Variants in SLC12A7 observed in about 807,000 individuals in gnomAD.
The protein encoded by SLC12A7 is solute carrier family 12 member 7.
A neutral mutation model predicts 120.6 loss-of-function variants in SLC12A7; 100 were observed. The observed-to-expected ratio is 0.83, with a 90% CI of 0.71 to 0.98. SLC12A7 has a LOEUF of 0.98. SLC12A7 is among the 50% of genes least tolerant of loss of function. The pLI is 0.00. For synonymous variants in SLC12A7, 760 were observed against 678.0 expected (o/e 1.12, Z -1.88); for missense variants, 1,373 against 1,548.1 (o/e 0.89, Z 1.90).
At chr5:1,068,757 G>A (rs998591380) in intron 17 of SLC12A7, among the ~76,000 whole-genome samples, 15 of 152,388 alleles carry the variant, frequency 9.8e-5, no homozygotes, top group Admixed American at 6.5e-4. Context: ...TGTGAGCTCC[G>A]TTAACGTGAG....
chr5:1,153,455 T>C, the SLC12A7 span, among the ~76,000 whole-genome samples: 11 of 152,286 alleles, frequency 7.2e-5, no homozygotes, highest in South Asian at 2.1e-4. Flanking sequence ...GGGGGGTCCA[T>C]GGGCCAGTGT....
At chr5:1,124,491 A>G in the SLC12A7 span, among the ~76,000 whole-genome samples, 66 of 152,342 alleles carry the variant, frequency 4.3e-4, no homozygotes, top group African/African-American at 1.5e-3. Flanking sequence ...AGGCAAAATC[A>G]AGACATTTCC....
At chr5:1,069,669 T>G (rs1413072060) in intron 17 of SLC12A7, among the ~76,000 whole-genome samples, 4 of 152,182 alleles carry the variant, frequency 2.6e-5, no homozygotes, top group Non-Finnish European at 4.4e-5. Context: ...ATCACGCAGG[T>G]GGGCACTCAA....
intron 22 of SLC12A7, among the ~76,000 whole-genome samples, chr5:1,053,771 A>G (rs1735307118): frequency 6.6e-6 from 1 of 152,220 alleles, no homozygotes; most frequent in Non-Finnish European, 1.5e-5. Flanking sequence ...CACACAACAC[A>G]AACCGCAAGC....
At chr5:1,115,041 A>G (rs1204147507), upstream of SLC12A7, among the ~76,000 whole-genome samples, 1 of 152,210 alleles carries the variant, frequency 6.6e-6, no homozygotes, top group Non-Finnish European at 1.5e-5. Flanking sequence ...ATATTTGTAC[A>G]TCGCTGATGA....
At chr5:1,101,561 C>T (rs546920855) in intron 1 of SLC12A7, among the ~76,000 whole-genome samples, 42 of 152,272 alleles carry the variant, frequency 2.8e-4, no homozygotes, top group African/African-American at 9.1e-4. Flanking sequence ...GCCATGAAGG[C>T]GGCGAGGTCA....
rs34012224 is a variant in SLC12A7 at position 1,083,896 on chromosome 5, G to A, written c.978C>T (p.Ala326=). Residue 326 remains alanine, a synonymous_variant, in exon 8 of 24, where the codon GCC becomes GCT. Transcript: ENST00000264930. ...SRRSFDACVK[A]YGIHNNSATS... Reference sequence around the variant, plus strand: ...TGGCTGAGTTGTTGTGGATGCCGTAGGCCTTGACGCAGGCATCGAAGCTGC... The same window carrying A: ...TGGCTGAGTTGTTGTGGATGCCGTAAGCCTTGACGCAGGCATCGAAGCTGC... 2 of 1,608,578 alleles carry A rather than the reference G, an allele frequency of 1.2e-6. No individual in the cohort carries two copies. Among genetic ancestry groups the A allele is most frequent in the Non-Finnish European group, 1.7e-6 (2 of 1,179,168 alleles).
the SLC12A7 span, among the ~76,000 whole-genome samples, chr5:1,125,923 CAA>C: frequency 0.16 from 16,159 of 100,356 alleles, 923 homozygotes; most frequent in Middle Eastern, 0.26. Context: ...GGCCCTGCCT[CAA>C]AAAAAAAAAA....
In SLC12A7 at chr5:1,081,672, G is replaced by A; in HGVS notation, c.1202C>T (p.Ala401Val). The A allele has an allele frequency of 6.2e-7, 1 of 1,613,142 alleles. No individual in the cohort carries two copies. The highest frequency in any genetic ancestry group is 1.1e-5 in the South Asian group (1 of 91,086). Residue 401 changes from alanine (A) to valine (V), a missense_variant, in exon 9 of 24, where the codon GCA becomes GTA. Ala to Val is a moderately conservative substitution (Grantham distance 64). Coordinates refer to ENST00000264930, the MANE Select transcript of SLC12A7 (RefSeq NM_006598.3). ...EKKGVPSVPV[A>V]EESRASALPY... ...CAGTGCGCTGGCACGGCTCTCCTCT[G>A]CCACGGGCACCGAGGGCACACCTTT...
Position 1,079,589 on chromosome 5 carries a change from G to A in SLC12A7, c.1298-93C>T, listed in dbSNP as rs572704099. Reference sequence around the variant, plus strand: ...CCAGAAAGCTGGAAAGGCGGTCTCTGGGGAGACCCCGAGCGTGAGCTGCAG... The same window carrying A: ...CCAGAAAGCTGGAAAGGCGGTCTCTAGGGAGACCCCGAGCGTGAGCTGCAG... On this transcript the variant is annotated intron_variant, in intron 9 of 23. Transcript: ENST00000264930. 29 of 1,031,262 alleles carry A rather than the reference G, an allele frequency of 2.8e-5. No homozygotes were observed. In the South Asian group the frequency reaches 3.8e-4, roughly 14 times the overall value. The allele number at this position is 1,031,262 out of a possible 1,614,324, so 63.9% of individuals were successfully genotyped here. A position where few individuals can be genotyped will look rare whatever the true frequency, so the allele number is the denominator to read the frequency against.
At chr5:1,056,441 G>T in intron 22 of SLC12A7, 1 of 231,062 alleles carries the variant, frequency 4.3e-6, no homozygotes, top group Non-Finnish European at 7.1e-6. Flanking sequence ...AGCTCTGGCT[G>T]TACGCGGACG....
At chr5:1,090,093 G>T (rs571807328) in intron 3 of SLC12A7, among the ~76,000 whole-genome samples, 22 of 152,346 alleles carry the variant, frequency 1.4e-4, no homozygotes, top group African/African-American at 4.8e-4. Flanking sequence ...GCGGGGCTTC[G>T]ATCCTGGGGT....
Position 1,100,525 on chromosome 5 carries a change from G to A in SLC12A7, c.125-6277C>T, listed in dbSNP as rs554128726. ...CCGACAGTGGGAACCAAAACCAAAC[G>A]AGGCTCCAGAAGCCTGGCTGGGGCG... On this transcript the variant is annotated intron_variant, in intron 1 of 23. Coordinates refer to ENST00000264930, the MANE Select transcript of SLC12A7 (RefSeq NM_006598.3). Among the ~76,000 whole-genome samples, 23 of 152,344 alleles carry A rather than the reference G, an allele frequency of 1.5e-4. 1 individual carries two copies. The highest frequency in any genetic ancestry group is 1.0e-3 in the South Asian group (5 of 4,828).
At chr5:1,104,694 CGT>C (rs1308202815) in intron 1 of SLC12A7, among the ~76,000 whole-genome samples, 1 of 152,184 alleles carries the variant, frequency 6.6e-6, no homozygotes, top group Admixed American at 6.5e-5. Context: ...GTGTGGGGTG[CGT>C]GTGGGGTGCT....
intron 22 of SLC12A7, among the ~76,000 whole-genome samples, chr5:1,053,896 C>T (rs1043888347): frequency 6.6e-5 from 10 of 152,234 alleles, no homozygotes; most frequent in African/African-American, 1.4e-4. Context: ...TCTACATCAT[C>T]GCCCCTAAAC....
At chr5:1,116,250 C>T (rs1331887010), upstream of SLC12A7, among the ~76,000 whole-genome samples, 1 of 152,200 alleles carries the variant, frequency 6.6e-6, no homozygotes, top group Non-Finnish European at 1.5e-5. Context: ...AGGCTCTTCC[C>T]AGGCAGGCAC....
intron 21 of SLC12A7, among the ~76,000 whole-genome samples, chr5:1,058,520 G>A (rs1026549622): frequency 6.6e-6 from 1 of 152,250 alleles, no homozygotes; most frequent in African/African-American, 2.4e-5. Context: ...TCGTCCCAGG[G>A]GCATCAGGAG....
intron 17 of SLC12A7, among the ~76,000 whole-genome samples, chr5:1,066,683 GA>G (rs562999395): frequency 1.2e-3 from 185 of 152,340 alleles, no homozygotes; most frequent in Middle Eastern, 3.4e-3. Context: ...TGAAGCCACT[GA>G]CAAGTGACCT....
chr5:1,073,805 C>T lies in SLC12A7; in HGVS notation c.2073-4G>A. 1 of 1,409,164 alleles carries T rather than the reference C, an allele frequency of 7.1e-7. No homozygotes were observed. Among genetic ancestry groups the T allele is most frequent in the Non-Finnish European group, 9.3e-7 (1 of 1,073,618 alleles). The allele number at this position is 1,409,164 out of a possible 1,614,324, so 87.3% of individuals were successfully genotyped here. A position where few individuals can be genotyped will look rare whatever the true frequency, so the allele number is the denominator to read the frequency against. ...CAGCATCACCAGCACCTGGGGCCTGCAGCCAGGGTGGGGCGGCTGTTACCA... is the reference window on the plus strand; with the variant it reads ...CAGCATCACCAGCACCTGGGGCCTGTAGCCAGGGTGGGGCGGCTGTTACCA... On this transcript the variant is annotated splice_polypyrimidine_tract_variant and splice_region_variant and intron_variant, in intron 16 of 23. Transcript: ENST00000264930.
Sources: allele counts gnomAD v4.1 joint callset (sites outside exome capture counted in the v4.1 genomes callset), GRCh38; gene constraint gnomAD v4.1.1; transcripts MANE v1.5; gene names NCBI Gene and HGNC (gene_info 2026-07-23, HGNC 2026-07-21).